HDAC1: variants seen among roughly 807,000 people sequenced by gnomAD.
The protein encoded by HDAC1 is histone deacetylase 1.
A neutral mutation model predicts 65.5 loss-of-function variants in HDAC1; 18 were observed. The ratio of observed to expected loss-of-function variants is 0.27; its 90% CI spans 0.19 to 0.41. HDAC1 has a LOEUF of 0.41. Ranked by LOEUF, HDAC1 falls within the 10% of genes least tolerant of loss-of-function variation. The probability of loss-of-function intolerance (pLI) is 1.00; values close to 1 mark genes in which losing one functional copy is unlikely to be tolerated. For missense variants in HDAC1, 373 were observed against 625.2 expected (o/e 0.60, Z 4.30); for synonymous variants, 211 against 227.9 (o/e 0.93, Z 0.67).
intron 3 of HDAC1, among the ~76,000 whole-genome samples, chr1:32,318,416 A>G (rs1418233086): frequency 6.6e-6 from 1 of 152,086 alleles, no homozygotes; most frequent in Non-Finnish European, 1.5e-5. Flanking sequence ...TAAAAAAATT[A>G]GCTGGGCATG....
Position 32,331,721 on chromosome 1 carries a change from G to T in HDAC1, c.1134G>T (p.Gly378=). The T allele has an allele frequency of 6.2e-7, 1 of 1,614,022 alleles. No individual in the cohort carries two copies. Among genetic ancestry groups the T allele is most frequent in the Non-Finnish European group, 8.5e-7 (1 of 1,179,968 alleles). ...ENLRMLPHAP[G]VQMQAIPEDA... is the part of the protein sequence containing the mutation. Reference sequence around the variant, plus strand: ...TTAGAATGCTGCCGCACGCACCTGGGGTCCAAATGCAGGCGATTCCTGAGG... The same window carrying T: ...TTAGAATGCTGCCGCACGCACCTGGTGTCCAAATGCAGGCGATTCCTGAGG... Residue 378 remains glycine, a synonymous_variant, in exon 11 of 14, where the codon GGG becomes GGT. Coordinates refer to ENST00000373548, the MANE Select transcript of HDAC1 (RefSeq NM_004964.3). The surrounding 1 kb of genome is among the most constrained non-coding windows in gnomAD (Gnocchi z 4.2).
chr1:32,318,162 TG>T (rs2148065897), intron 3 of HDAC1, among the ~76,000 whole-genome samples: 1 of 152,360 alleles, frequency 6.6e-6, no homozygotes, highest in South Asian at 2.1e-4. Flanking sequence ...TTAGTCAGGC[TG>T]GTCTCAAACT....
At chr1:32,320,910 A>AC (rs1641131473) in intron 3 of HDAC1, among the ~76,000 whole-genome samples, 1 of 146,768 alleles carries the variant, frequency 6.8e-6, no homozygotes, top group Non-Finnish European at 1.5e-5. Flanking sequence ...AAAAAAAAAA[A>AC]AAAAAAAAAA....
chr1:32,298,366 C>A (rs892842945), intron 1 of HDAC1, among the ~76,000 whole-genome samples: 1 of 151,952 alleles, frequency 6.6e-6, no homozygotes, highest in African/African-American at 2.4e-5. Context: ...GGATTACAGG[C>A]GTCAGGCACC....
rs754345193 is a variant in HDAC1 at position 32,292,119 on chromosome 1, G to A, written c.-51G>A. The A allele has an allele frequency of 6.5e-7, 1 of 1,534,398 alleles. No homozygotes were observed. Among genetic ancestry groups the A allele is most frequent in the Non-Finnish European group, 8.8e-7 (1 of 1,135,244 alleles). ...TGGGTCGGACGCTGAGCGGAGCCGCGGGCGGGAGGGCGGACGGACCGACTG... is the reference window on the plus strand; with the variant it reads ...TGGGTCGGACGCTGAGCGGAGCCGCAGGCGGGAGGGCGGACGGACCGACTG... On this transcript the variant is annotated 5_prime_UTR_variant, in exon 1 of 14. Coordinates refer to ENST00000373548, the MANE Select transcript of HDAC1 (RefSeq NM_004964.3).
At chr1:32,312,399 T>C (rs1641002139) in intron 2 of HDAC1, among the ~76,000 whole-genome samples, 1 of 152,190 alleles carries the variant, frequency 6.6e-6, no homozygotes, top group East Asian at 1.9e-4. Flanking sequence ...TTCACTCTGT[T>C]GCCCAGGCTG....
chr1:32,302,292 G>A (rs1480037643), intron 1 of HDAC1, among the ~76,000 whole-genome samples: 1 of 152,056 alleles, frequency 6.6e-6, no homozygotes, highest in Non-Finnish European at 1.5e-5. Context: ...TCTGTTGTGG[G>A]AGGGAATTCC....
In HDAC1 at chr1:32,331,411, C is replaced by G. The variant is rs1001880032; in HGVS notation, c.980-63C>G. The stretch of plus-strand genomic sequence containing the variant: ...ACCTACAAATGCTTTAGGGTGCTTA[C>G]GTGCAAATGGTTAGGGTGCGGTGGC... On this transcript the variant is annotated intron_variant, in intron 9 of 13. Transcript: ENST00000373548. This position sits in a 1 kb window ranked among gnomAD's most constrained non-coding sequence, Gnocchi z 4.2. 1 of 917,026 alleles carries G rather than the reference C, an allele frequency of 1.1e-6. No individual in the cohort carries two copies. The highest frequency in any genetic ancestry group is 1.8e-6 in the Non-Finnish European group (1 of 549,462). The allele number at this position is 917,026 out of a possible 1,614,324, so 56.8% of individuals were successfully genotyped here.
chr1:32,324,699 G>T, intron 4 of HDAC1, 146 bp downstream of exon 4: 2 of 668,344 alleles, frequency 3.0e-6, no homozygotes, highest in South Asian at 3.4e-5. Flanking sequence ...GGCTGGTGTA[G>T]TGTCTCACAC....
intron 1 of HDAC1, among the ~76,000 whole-genome samples, chr1:32,297,759 T>A (rs867598280): frequency 1.3e-4 from 19 of 144,532 alleles, no homozygotes; most frequent in Admixed American, 6.4e-4. Context: ...TGGAGGCGCA[T>A]GACACTACGC....
At chr1:32,293,648 A>C (rs1640727658) in intron 1 of HDAC1, among the ~76,000 whole-genome samples, 1 of 152,078 alleles carries the variant, frequency 6.6e-6, no homozygotes, top group South Asian at 2.1e-4. Flanking sequence ...TCACGCCTGT[A>C]ATCCCGGCAC....
At chr1:32,292,520 G>A in intron 1 of HDAC1, 1 of 819,186 alleles carries the variant, frequency 1.2e-6, no homozygotes. Flanking sequence ...CGTCGGAGCG[G>A]GGAGGCTGAA....
intron 2 of HDAC1, among the ~76,000 whole-genome samples, chr1:32,307,142 G>A (rs894346592): frequency 6.6e-6 from 1 of 152,144 alleles, no homozygotes; most frequent in African/African-American, 2.4e-5. Flanking sequence ...CTACTCAGGA[G>A]GCTGAGACAG....
chr1:32,321,238 A>T (rs934875691), intron 3 of HDAC1, among the ~76,000 whole-genome samples: 1 of 151,608 alleles, frequency 6.6e-6, no homozygotes, highest in South Asian at 2.1e-4. Flanking sequence ...CTCAAAAAAA[A>T]AAAAATAATA....
At position 32,306,967 on chromosome 1, in the gene HDAC1, C is replaced by T. The variant is rs145157627; in HGVS notation, c.162+4234C>T. On this transcript the variant is annotated intron_variant, in intron 2 of 13. Coordinates refer to ENST00000373548, the MANE Select transcript of HDAC1 (RefSeq NM_004964.3). The stretch of plus-strand genomic sequence containing the variant: ...CATGCATAGAAGATTCATTCCTGGC[C>T]GGGCGTGGTGGCTCATGTCTGTAAT... Among the ~76,000 whole-genome samples the T allele has an allele frequency of 4.0e-3, 616 of 152,166 alleles. 3 individuals are homozygous for T. Among genetic ancestry groups the T allele is most frequent in the African/African-American group, 0.014 (578 of 41,524 alleles).
intron 2 of HDAC1, among the ~76,000 whole-genome samples, chr1:32,307,044 G>A (rs537875632): frequency 5.3e-5 from 8 of 152,050 alleles, no homozygotes; most frequent in Non-Finnish European, 8.8e-5. Context: ...TCAGGAGTTC[G>A]AGACCACCTT....
rs58193625 is a variant in HDAC1 at position 32,311,931 on chromosome 1, A to G, written c.163-4734A>G. On this transcript the variant is annotated intron_variant, in intron 2 of 13. Coordinates refer to ENST00000373548, the MANE Select transcript of HDAC1 (RefSeq NM_004964.3). Reference sequence around the variant, plus strand: ...GCCAGACCAAAGTTTTGATGACATTAGGAAGAGAGTAAAGGGCTTAGTATA... The same window carrying G: ...GCCAGACCAAAGTTTTGATGACATTGGGAAGAGAGTAAAGGGCTTAGTATA... Among the ~76,000 whole-genome samples, 1,407 of 152,320 alleles carry G rather than the reference A, an allele frequency of 9.2e-3. 16 individuals carry two copies. The highest frequency in any genetic ancestry group is 0.033 in the African/African-American group (1,368 of 41,570).
intron 2 of HDAC1, among the ~76,000 whole-genome samples, chr1:32,312,492 T>G (rs1227983033): frequency 6.7e-6 from 1 of 150,300 alleles, no homozygotes; most frequent in Non-Finnish European, 1.5e-5. Context: ...CCCGAGTAGC[T>G]GGGTTTACAG....
chr1:32,307,176 C>A (rs1640922145), intron 2 of HDAC1, among the ~76,000 whole-genome samples: 1 of 152,096 alleles, frequency 6.6e-6, no homozygotes, highest in South Asian at 2.1e-4. Flanking sequence ...ACCTGGGAGG[C>A]AGAGGTTGCA....
Sources: allele counts gnomAD v4.1 joint callset (sites outside exome capture counted in the v4.1 genomes callset), GRCh38; gene constraint gnomAD v4.1.1; non-coding constraint Gnocchi (gnomAD v3.1); transcripts MANE v1.5; gene names NCBI Gene and HGNC (gene_info 2026-07-23, HGNC 2026-07-21).